The following CCDC32 variants were observed in gnomAD, a reference collection of about 807,000 sequenced individuals.
CCDC32 encodes coiled-coil domain-containing protein 32.
Under a neutral mutation model 20.1 loss-of-function variants are expected in CCDC32, and 9 were observed. The ratio of observed to expected loss-of-function variants is 0.45; its 90% CI spans 0.27 to 0.78. The LOEUF (loss-of-function observed/expected upper bound fraction) is 0.78. Ranked by LOEUF, CCDC32 falls within the 30% of genes least tolerant of loss-of-function variation. The pLI, the probability that CCDC32 is intolerant of heterozygous loss-of-function variation, is 0.16. For missense variants in CCDC32, 204 were observed against 215.5 expected (o/e 0.95, Z 0.33); for synonymous variants, 63 against 79.0 (o/e 0.80, Z 1.07).
chr15:40,534,194 TAGTC>T (rs1449031221), downstream of CCDC32: 3 of 152,318 alleles, frequency 2.0e-5, no homozygotes, highest in Non-Finnish European at 1.5e-5. Flanking sequence ...GGTCTAACCT[TAGTC>T]AGGTTTATTT....
At chr15:40,533,183 G>C (rs943827651), downstream of CCDC32, among the ~76,000 whole-genome samples, 4 of 152,022 alleles carry the variant, frequency 2.6e-5, no homozygotes, top group Non-Finnish European at 5.9e-5. Flanking sequence ...CTAGTCTTGG[G>C]AACACATCAG....
At chr15:40,543,937 T>C (rs1889507693) in intron 3 of CCDC32, among the ~76,000 whole-genome samples, 2 of 152,218 alleles carry the variant, frequency 1.3e-5, no homozygotes, top group African/African-American at 4.8e-5. Flanking sequence ...ATTTCCACTA[T>C]TGATTCCTAG....
intron 3 of CCDC32, among the ~76,000 whole-genome samples, chr15:40,555,603 C>G (rs1452135818): frequency 1.3e-5 from 2 of 152,132 alleles, no homozygotes. Flanking sequence ...TTCCTGAACC[C>G]TCAGAGGAGA....
Position 40,562,783 on chromosome 15 carries a change from A to T in CCDC32, c.233T>A (p.Leu78Ter). ...GCCGTCAAACTTACCTAGAGATGCT[A>T]AATACACTTCTGAATCCTGCAAGGG... ...WAPLQDSEVYLASLEKKLRRI... is the reference protein window; with the variant it reads ...WAPLQDSEVY The change falls in exon 2 of 4, where the codon TTA becomes TAA. Residue 78 changes from leucine to a stop codon, truncating the protein, a stop_gained. Transcript: ENST00000416810. LOFTEE classifies it high-confidence loss of function. The T allele has an allele frequency of 6.2e-7, 1 of 1,613,878 alleles. No homozygotes were observed. Among genetic ancestry groups the T allele is most frequent in the Non-Finnish European group, 8.5e-7 (1 of 1,179,886 alleles).
chr15:40,553,642 A>C lies in CCDC32; in HGVS notation c.*329T>G. ...GTTTCTCCAAGTACTTTCACATTTG[A>C]TCTTTAGCAGACTTCTAACCTGCAG... On this transcript the variant is annotated 3_prime_UTR_variant, in exon 4 of 4. Transcript: ENST00000416810. 9.2e-7 allele frequency: 1 copy of C among 1,085,784 alleles called. No individual in the cohort carries two copies. Among genetic ancestry groups the C allele is most frequent in the Non-Finnish European group, 1.1e-6 (1 of 897,288 alleles). 67.3% of individuals were successfully genotyped at this position (1,085,784 alleles called of 1,614,324 possible).
chr15:40,526,861 G>A (rs890685615), downstream of CCDC32, among the ~76,000 whole-genome samples: 1 of 152,028 alleles, frequency 6.6e-6, no homozygotes, highest in East Asian at 1.9e-4. Context: ...TGCAGTGAGC[G>A]TCACTGCACT....
intron 2 of CCDC32, among the ~76,000 whole-genome samples, 183 bp downstream of exon 2, chr15:40,562,583 TTAAAAA>T (rs1269365324): frequency 1.3e-5 from 2 of 151,506 alleles, no homozygotes; most frequent in Non-Finnish European, 2.9e-5. Flanking sequence ...TCTCAAAAAA[TTAAAAA>T]TAAAAATAAA....
Position 40,557,307 on chromosome 15 carries a change from G to A in CCDC32, c.310C>T (p.Leu104=). 6.2e-7 allele frequency: 1 copy of A among 1,614,216 alleles called. No homozygotes were observed. The highest frequency in any genetic ancestry group is 2.2e-5 in the East Asian group (1 of 44,888). The change falls in exon 3 of 4, where the codon CTG becomes TTG. Residue 104 remains leucine (L), a synonymous_variant. Coordinates refer to ENST00000416810, the MANE Select transcript of CCDC32 (RefSeq NM_001080792.4). The part of the protein sequence containing the change: ...EVTSKDMLRT[L]AQAKKECWDR... ...CAGCATTCCTTCTTGGCTTGGGCCA[G>A]AGTTCGAAGCATGTCCTTGGAAGTC...
At chr15:40,536,853 G>C (rs1417910477), downstream of CCDC32, 1 of 152,284 alleles carries the variant, frequency 6.6e-6, no homozygotes, top group Non-Finnish European at 1.5e-5. Context: ...CTGCTACGAT[G>C]GTGATGAGAA....
chr15:40,539,477 GGA>G, intron 3 of CCDC32: 2 of 824,286 alleles, frequency 2.4e-6, no homozygotes, highest in Non-Finnish European at 3.9e-6. Flanking sequence ...GAAGGTGCGA[GGA>G]AGTGAGGTGT....
chr15:40,560,314 A>G (rs892269695), intron 2 of CCDC32, among the ~76,000 whole-genome samples: 3 of 152,170 alleles, frequency 2.0e-5, no homozygotes, highest in Admixed American at 6.6e-5. Flanking sequence ...GGCCTAGGCA[A>G]AAAATTTATG....
downstream of CCDC32, among the ~76,000 whole-genome samples, chr15:40,549,065 G>C (rs771185391): frequency 1.3e-5 from 2 of 152,116 alleles, no homozygotes; most frequent in Non-Finnish European, 2.9e-5. Context: ...GACATGTATC[G>C]CTGCCAAGTG....
In CCDC32 at chr15:40,529,295, G is replaced by A. The variant is rs16970759; in HGVS notation, c.402-505C>T. ...AAGGGCCTTGCATCCTGAACCTGGT[G>A]AAATTGTGGCCCAGGATCACAGGAA... On this transcript the variant is annotated intron_variant, in intron 3 of 3. Transcript: ENST00000560305. 3.7e-3 allele frequency among the ~76,000 whole-genome samples: 558 copies of A among 152,326 alleles called. 32 individuals carry two copies. In the East Asian group the frequency reaches 0.096, roughly 26 times the overall value.
chr15:40,548,358 A>G (rs4923876), downstream of CCDC32, among the ~76,000 whole-genome samples: 79,321 of 152,040 alleles, frequency 0.52, 22,021 homozygotes, highest in East Asian at 0.75. Context: ...TGTAGCCAGC[A>G]TAAGTATTAA....
At chr15:40,560,153 G>T (rs1455171442) in intron 2 of CCDC32, among the ~76,000 whole-genome samples, 1 of 152,150 alleles carries the variant, frequency 6.6e-6, no homozygotes, top group East Asian at 1.9e-4. Context: ...GGGACTATAG[G>T]TGTGCGCCAC....
chr15:40,564,819 G>A, intron 1 of CCDC32, 157 bp downstream of exon 1: 1 of 1,614,022 alleles, frequency 6.2e-7, no homozygotes, highest in South Asian at 1.1e-5. Context: ...GAACCACGCA[G>A]GAAATTCCGG....
intron 2 of CCDC32, chr15:40,558,067 T>C (rs1229663163): frequency 1.3e-5 from 2 of 152,220 alleles, no homozygotes; most frequent in Non-Finnish European, 2.9e-5. Flanking sequence ...AAATTACTCT[T>C]GTTTGCATTT....
downstream of CCDC32, among the ~76,000 whole-genome samples, chr15:40,551,668 G>T (rs1391068178): frequency 6.6e-6 from 1 of 151,758 alleles, no homozygotes; most frequent in Admixed American, 6.6e-5. Context: ...AAATAAGCTG[G>T]GCATGGTGGT....
At position 40,539,251 on chromosome 15, in the gene CCDC32, TG is replaced by T; in HGVS notation, c.505del (p.Gln169SerfsTer?). On this transcript the variant is annotated frameshift_variant, in exon 4 of 4. Transcript: ENST00000558113. LOFTEE classifies it high-confidence loss of function. ...CCCTGGCTGTTACCATGACGACTGCTGGGCTGGAAATGTCCTTCGCCACCTC... is the reference window on the plus strand; with the variant it reads ...CCCTGGCTGTTACCATGACGACTGCTGGCTGGAAATGTCCTTCGCCACCTC... The T allele has an allele frequency of 6.5e-7, 1 of 1,535,598 alleles. No individual in the cohort carries two copies. Among genetic ancestry groups the T allele is most frequent in the Non-Finnish European group, 8.7e-7 (1 of 1,146,724 alleles).
Sources: allele counts gnomAD v4.1 joint callset (sites outside exome capture counted in the v4.1 genomes callset), GRCh38; gene constraint gnomAD v4.1.1; transcripts MANE v1.5; gene names NCBI Gene and HGNC (gene_info 2026-07-23, HGNC 2026-07-21).